RABGEF1: variants seen among roughly 807,000 people sequenced by gnomAD.
RABGEF1 encodes the protein RAB guanine nucleotide exchange factor 1, also known as rab5 GDP/GTP exchange factor.
Under a neutral mutation model 57.3 loss-of-function variants are expected in RABGEF1, and 26 were observed. The observed-to-expected ratio is 0.45, with a 90% CI of 0.33 to 0.63. The LOEUF is 0.63. Ranked by LOEUF, RABGEF1 falls within the 20% of genes least tolerant of loss-of-function variation. The pLI is 0.02. For missense variants in RABGEF1, 464 were observed against 607.6 expected (o/e 0.76, Z 2.48); for synonymous variants, 185 against 210.7 (o/e 0.88, Z 1.06).
At chr7:66,688,629 T>C (rs1791068218) in intron 1 of RABGEF1, among the ~76,000 whole-genome samples, 1 of 152,062 alleles carries the variant, frequency 6.6e-6, no homozygotes, top group Non-Finnish European at 1.5e-5. Flanking sequence ...AACTCACAAA[T>C]ATATGGAAAG....
In RABGEF1 at chr7:66,775,236, G is replaced by C. The variant is rs1448075366; in HGVS notation, c.189G>C (p.Arg63=). The C allele has an allele frequency of 6.2e-7, 1 of 1,612,478 alleles. No individual in the cohort carries two copies. Among genetic ancestry groups the C allele is most frequent in the East Asian group, 2.2e-5 (1 of 44,864 alleles). ...EDWELAERLQ[R]EEEEAFASSQ... ...CTCTCTTGAATTGCAGACTCCAGCG[G>C]GAGGAAGAAGAGGCCTTTGCCAGCA... Residue 63 remains arginine (R), a synonymous_variant, in exon 3 of 9, where the codon CGG becomes CGC. Coordinates refer to ENST00000284957, the MANE Select transcript of RABGEF1 (RefSeq NM_014504.3).
chr7:66,794,319 T>G (rs1318436714), intron 4 of RABGEF1, among the ~76,000 whole-genome samples: 1 of 151,424 alleles, frequency 6.6e-6, no homozygotes, highest in Non-Finnish European at 1.5e-5. Flanking sequence ...TTCTTTCCTC[T>G]TCTCTTTTCT....
rs4718406 is a variant in RABGEF1 at position 66,797,322 on chromosome 7, G to C, written c.596-52G>C. The stretch of plus-strand genomic sequence containing the variant: ...CTTTGTTTGCAAAAAAAAAAAAAAA[G>C]AGAGAGAAAAAATATATATATCTTG... On this transcript the variant is annotated intron_variant, in intron 5 of 8. Coordinates refer to ENST00000284957, the MANE Select transcript of RABGEF1 (RefSeq NM_014504.3). The C allele has an allele frequency of 1.2e-5, 15 of 1,250,164 alleles. 1 individual carries two copies. In the Middle Eastern group the frequency reaches 9.3e-4, roughly 77 times the overall value. 77.4% of individuals were successfully genotyped at this position (1,250,164 alleles called of 1,614,324 possible).
intron 1 of RABGEF1, among the ~76,000 whole-genome samples, chr7:66,702,566 C>T (rs1367370406): frequency 2.6e-5 from 4 of 152,084 alleles, no homozygotes; most frequent in African/African-American, 4.8e-5. Context: ...CTGTTTTTCA[C>T]GGAGGCTGCA....
upstream of RABGEF1, among the ~76,000 whole-genome samples, chr7:66,739,640 C>T (rs143193400): frequency 8.3e-3 from 930 of 112,304 alleles, 4 homozygotes; most frequent in Middle Eastern, 0.013. Context: ...CCAGTGTGGG[C>T]GACAGAGTGA....
Position 66,715,856 on chromosome 7 carries a change from T to TA in RABGEF1, c.-815+3632_-815+3633insA, listed in dbSNP as rs1795332882. Among the ~76,000 whole-genome samples, 3 of 152,146 alleles carry TA rather than the reference T, an allele frequency of 2.0e-5. No homozygotes were observed. In the South Asian group the frequency reaches 6.2e-4, roughly 31 times the overall value. On this transcript the variant is annotated intron_variant and NMD_transcript_variant, in intron 2 of 9. Transcript: ENST00000607882. ...ACAGTCTCCAACTCCTGGGTTCAGG[T>TA]GCTCCTTGTGCCTCCGCCTCCTGAA...
intron 1 of RABGEF1, among the ~76,000 whole-genome samples, chr7:66,741,524 C>T (rs1200431274): frequency 6.6e-6 from 1 of 152,068 alleles, no homozygotes; most frequent in Non-Finnish European, 1.5e-5. Flanking sequence ...GGTGTCTCAG[C>T]GCGGGTGACC....
At chr7:66,742,972 C>G (rs1432482463) in intron 1 of RABGEF1, among the ~76,000 whole-genome samples, 1 of 152,132 alleles carries the variant, frequency 6.6e-6, no homozygotes, top group African/African-American at 2.4e-5. Context: ...CTGATGGTGA[C>G]AGAACCAGGG....
At chr7:66,678,698 G>A (rs1294768971), upstream of RABGEF1, among the ~76,000 whole-genome samples, 2 of 152,084 alleles carry the variant, frequency 1.3e-5, no homozygotes, top group Admixed American at 6.6e-5. Flanking sequence ...GTAGAGATGA[G>A]GTCTCACCAT....
At chr7:66,684,101 A>T (rs887179235) in intron 1 of RABGEF1, among the ~76,000 whole-genome samples, 4 of 152,140 alleles carry the variant, frequency 2.6e-5, no homozygotes, top group Non-Finnish European at 5.9e-5. Flanking sequence ...CTTTAATCTG[A>T]TGGTGACAGA....
intron 3 of RABGEF1, among the ~76,000 whole-genome samples, chr7:66,779,285 C>T (rs1809292399): frequency 6.6e-6 from 1 of 151,626 alleles, no homozygotes; most frequent in African/African-American, 2.4e-5. Context: ...AGGTGGATCA[C>T]CTAAGGTCGG....
the RABGEF1 span, among the ~76,000 whole-genome samples, chr7:66,667,178 C>T: frequency 6.6e-6 from 1 of 152,188 alleles, no homozygotes. Context: ...GGTTTGCCAC[C>T]TGAGCCCGGG....
At chr7:66,769,233 A>T (rs1806483884) in intron 1 of RABGEF1, among the ~76,000 whole-genome samples, 1 of 152,206 alleles carries the variant, frequency 6.6e-6, no homozygotes, top group Non-Finnish European at 1.5e-5. Flanking sequence ...TGCTTTTCAG[A>T]ATCCTCAAAA....
intron 7 of RABGEF1, among the ~76,000 whole-genome samples, chr7:66,802,869 A>G (rs1472799108): frequency 6.6e-6 from 1 of 152,246 alleles, no homozygotes; most frequent in African/African-American, 2.4e-5. Flanking sequence ...CAAAATGTCA[A>G]CAGTAAAGAT....
intron 1 of RABGEF1, among the ~76,000 whole-genome samples, chr7:66,704,599 A>G (rs192683223): frequency 1.2e-4 from 18 of 151,960 alleles, no homozygotes; most frequent in African/African-American, 4.1e-4. Context: ...TCACGAGGTC[A>G]GGAGATCGAG....
At chr7:66,725,541 A>G (rs2117571500) in intron 2 of RABGEF1, among the ~76,000 whole-genome samples, 1 of 152,256 alleles carries the variant, frequency 6.6e-6, no homozygotes, top group East Asian at 1.9e-4. Context: ...ATTGCCAATA[A>G]CATTACATAG....
At position 66,759,168 on chromosome 7, in the gene RABGEF1, G is replaced by A. The variant is rs186709515; in HGVS notation, c.-17-12715G>A. 1.3e-3 allele frequency among the ~76,000 whole-genome samples: 198 copies of A among 152,308 alleles called. 1 individual carries two copies. The highest frequency in any genetic ancestry group is 4.5e-3 in the African/African-American group (187 of 41,572). Reference sequence around the variant, plus strand: ...CCTTATGACTCTGTAGTCACATCCTGTGTCAGCAGTCCCCAGGGCTGCCCC... The same window carrying A: ...CCTTATGACTCTGTAGTCACATCCTATGTCAGCAGTCCCCAGGGCTGCCCC... On this transcript the variant is annotated intron_variant, in intron 1 of 8. Transcript: ENST00000284957.
chr7:66,742,986 G>GT (rs1191704084), intron 1 of RABGEF1, among the ~76,000 whole-genome samples: 1 of 152,140 alleles, frequency 6.6e-6, no homozygotes, highest in Non-Finnish European at 1.5e-5. Flanking sequence ...ACCAGGGGAA[G>GT]TTTTTTAGCT....
At chr7:66,719,811 G>A (rs1490445681) in intron 2 of RABGEF1, among the ~76,000 whole-genome samples, 1 of 152,128 alleles carries the variant, frequency 6.6e-6, no homozygotes, top group Non-Finnish European at 1.5e-5. Flanking sequence ...GTCTTTTCCT[G>A]TTTTCCTGTT....
Sources: allele counts gnomAD v4.1 joint callset (sites outside exome capture counted in the v4.1 genomes callset), GRCh38; gene constraint gnomAD v4.1.1; transcripts MANE v1.5; gene names NCBI Gene and HGNC (gene_info 2026-07-23, HGNC 2026-07-21).